Variants in LRP1B observed in about 807,000 individuals in gnomAD.
LRP1B encodes LDL receptor related protein 1B.
LRP1B carries 217 observed loss-of-function variants against 556.6 expected under a neutral mutation model. The ratio of observed to expected loss-of-function variants is 0.39; its 90% CI spans 0.35 to 0.44. The LOEUF is 0.44. LRP1B is among the 20% of genes least tolerant of loss of function. The pLI, the probability that LRP1B is intolerant of heterozygous loss-of-function variation, is 1.00. For missense variants in LRP1B, 5,053 were observed against 5,620.8 expected, an observed-to-expected ratio of 0.90 and a Z score of 3.23; for synonymous variants, 2,047 against 1,865.8, an observed-to-expected ratio of 1.10 and a Z score of -2.50.
intron 18 of LRP1B, among the ~76,000 whole-genome samples, chr2:140,979,161 T>A (rs2105339401): frequency 6.6e-6 from 1 of 152,082 alleles, no homozygotes; most frequent in Admixed American, 6.5e-5. Flanking sequence ...GTATATTTAG[T>A]AGAGATGGGG....
In LRP1B at chr2:141,175,380, G is replaced by A. The variant is rs188340985; in HGVS notation, c.1013+13041C>T. ...GAAAAGTGGTTCCACCCAGAGCCCT[G>A]CTGCTCTATGCAGCCTTGGGACTTG... On this transcript the variant is annotated intron_variant, in intron 7 of 90. Coordinates refer to ENST00000389484, the MANE Select transcript of LRP1B (RefSeq NM_018557.3). Among the ~76,000 whole-genome samples the A allele has an allele frequency of 1.4e-4, 22 of 152,204 alleles. No homozygotes were observed. In the East Asian group the frequency reaches 4.1e-3, roughly 28 times the overall value.
At chr2:141,060,599 CATT>C (rs1315966786) in intron 8 of LRP1B, among the ~76,000 whole-genome samples, 1 of 151,746 alleles carries the variant, frequency 6.6e-6, no homozygotes, top group African/African-American at 2.4e-5. Context: ...GGGATATCAA[CATT>C]GTTGTCACAT....
intron 77 of LRP1B, among the ~76,000 whole-genome samples, chr2:140,344,344 C>T (rs1348076858): frequency 6.6e-6 from 1 of 151,764 alleles, no homozygotes; most frequent in African/African-American, 2.4e-5. Context: ...GTGCCTTCAG[C>T]AAAGCTAACA....
Position 140,456,561 on chromosome 2 carries a change from T to C in LRP1B, c.9857A>G (p.His3286Arg), listed in dbSNP as rs1188640057. 2 of 1,612,976 alleles carry C rather than the reference T, an allele frequency of 1.2e-6. No homozygotes were observed. The highest frequency in any genetic ancestry group is 1.7e-6 in the Non-Finnish European group (2 of 1,179,296). The change falls in exon 62 of 91, where the codon CAT (histidine) becomes CGT (arginine). Residue 3286 changes from histidine to arginine, a missense_variant. Around this residue, in one of 5 missense-constraint regions of LRP1B, gnomAD observed 262 missense variants for 395.1 expected, o/e 0.66. Transcript: ENST00000389484. Reference protein sequence around the residue: ...LCMINNGGCSHLCLLAPGKTH... With the variant: ...LCMINNGGCSRLCLLAPGKTH... Reference sequence around the variant, plus strand: ...TTTTCCAGGGGCTAAAAGGCACAAATGACTGCAACCACCATTATTTATCAT... The same window carrying C: ...TTTTCCAGGGGCTAAAAGGCACAAACGACTGCAACCACCATTATTTATCAT...
chr2:140,691,402 C>T (rs1230527105), intron 41 of LRP1B, among the ~76,000 whole-genome samples: 4 of 148,320 alleles, frequency 2.7e-5, no homozygotes, highest in African/African-American at 5.0e-5. Flanking sequence ...ACCTGGAAGG[C>T]GGAGGTTGTG....
At chr2:141,678,217 AAAC>A (rs1690962107) in intron 2 of LRP1B, among the ~76,000 whole-genome samples, 1 of 152,172 alleles carries the variant, frequency 6.6e-6, no homozygotes, top group African/African-American at 2.4e-5. Flanking sequence ...TTATCTATGA[AAAC>A]AAACAAAATC....
chr2:140,332,369 T>G (rs1680859424), intron 79 of LRP1B, among the ~76,000 whole-genome samples: 1 of 152,092 alleles, frequency 6.6e-6, no homozygotes, highest in South Asian at 2.1e-4. Flanking sequence ...ATCACTAAGT[T>G]GCCCATAAGA....
At chr2:140,355,633 C>T (rs1257203551) in intron 75 of LRP1B, among the ~76,000 whole-genome samples, 1 of 151,856 alleles carries the variant, frequency 6.6e-6, no homozygotes, top group African/African-American at 2.4e-5. Flanking sequence ...TGAATTTAGC[C>T]TGGATAAGCC....
chr2:140,891,339 G>GA lies in LRP1B; in HGVS notation c.3767-5005dup, dbSNP rs555238109. Among the ~76,000 whole-genome samples the GA allele has an allele frequency of 7.7e-3, 1,174 of 152,132 alleles. 7 individuals are homozygous for GA. The highest frequency in any genetic ancestry group is 0.012 in the Non-Finnish European group (827 of 67,950). ...TGAAAGCAGCAGATGAGTTGCCTAGGAAAAAGAGTCCTTCTTCAGATCCTT... is the reference window on the plus strand; with the variant it reads ...TGAAAGCAGCAGATGAGTTGCCTAGGAAAAAAGAGTCCTTCTTCAGATCCTT... On this transcript the variant is annotated intron_variant, in intron 23 of 90. Transcript: ENST00000389484.
At chr2:141,260,496 GT>G (rs777753733) in intron 3 of LRP1B, among the ~76,000 whole-genome samples, 47 of 848 alleles carry the variant, frequency 0.055, no homozygotes, top group Non-Finnish European at 0.16. Flanking sequence ...GTGATTAGAA[GT>G]TGGCAGTTTC....
intron 2 of LRP1B, among the ~76,000 whole-genome samples, chr2:141,585,546 T>C (rs1574107412): frequency 2.0e-5 from 3 of 151,460 alleles, no homozygotes; most frequent in East Asian, 3.9e-4. Flanking sequence ...TTCTGAAACA[T>C]TAGGAGTTGA....
Position 140,910,945 on chromosome 2 carries a change from TTGCACAAG to T in LRP1B, c.3320-2876_3320-2869del, listed in dbSNP as rs138725069. 9.7e-3 allele frequency among the ~76,000 whole-genome samples: 1,480 copies of T among 151,968 alleles called. 26 individuals are homozygous for T. Among genetic ancestry groups the T allele is most frequent in the African/African-American group, 0.033 (1,366 of 41,544 alleles). On this transcript the variant is annotated intron_variant, in intron 21 of 90. Coordinates refer to ENST00000389484, the MANE Select transcript of LRP1B (RefSeq NM_018557.3). ...TTAGAAAATGTTTTCATAAATATCT[TTGCACAAG>T]TGCACAAAGATACTAGGATATCTAC...
chr2:141,940,691 G>C (rs145485820), intron 1 of LRP1B, among the ~76,000 whole-genome samples: 69 of 152,248 alleles, frequency 4.5e-4, no homozygotes, highest in Non-Finnish European at 5.1e-4. Flanking sequence ...TAAAATACAA[G>C]TGTGTATGCA....
intron 35 of LRP1B, among the ~76,000 whole-genome samples, chr2:140,761,733 C>A (rs1247267813): frequency 1.3e-5 from 2 of 152,156 alleles, no homozygotes; most frequent in Non-Finnish European, 2.9e-5. Flanking sequence ...CCTAACTGAG[C>A]CTTCTGATGA....
intron 1 of LRP1B, among the ~76,000 whole-genome samples, chr2:141,917,168 A>G (rs1314323537): frequency 1.3e-5 from 2 of 152,194 alleles, no homozygotes; most frequent in Non-Finnish European, 2.9e-5. Flanking sequence ...AAAATAAGAC[A>G]TATTATATAA....
At chr2:141,202,431 C>G (rs1225042646) in intron 6 of LRP1B, among the ~76,000 whole-genome samples, 1 of 152,114 alleles carries the variant, frequency 6.6e-6, no homozygotes, top group Non-Finnish European at 1.5e-5. Context: ...GGTATATACC[C>G]AGTAACGGGA....
chr2:141,400,698 A>C (rs2104924207), intron 3 of LRP1B, among the ~76,000 whole-genome samples: 1 of 152,292 alleles, frequency 6.6e-6, no homozygotes, highest in Non-Finnish European at 1.5e-5. Flanking sequence ...TTAAAAAATC[A>C]GTATCTTTTT....
chr2:141,181,777 A>G (rs1449901123), intron 7 of LRP1B, among the ~76,000 whole-genome samples: 2 of 151,986 alleles, frequency 1.3e-5, no homozygotes, highest in African/African-American at 4.8e-5. Context: ...TAAAAGAGAC[A>G]CTAACCAAAA....
intron 1 of LRP1B, among the ~76,000 whole-genome samples, chr2:141,957,394 G>C (rs56259052): frequency 8.5e-6 from 1 of 118,300 alleles, no homozygotes. Flanking sequence ...GGGGGGGGGG[G>C]GGCGGGGGGG....
Sources: allele counts gnomAD v4.1 joint callset (sites outside exome capture counted in the v4.1 genomes callset), GRCh38; gene constraint gnomAD v4.1.1; regional missense constraint gnomAD v4.1.1; transcripts MANE v1.5; gene names NCBI Gene and HGNC (gene_info 2026-07-23, HGNC 2026-07-21).